The following FGF13 variants were observed in gnomAD, a reference collection of about 807,000 sequenced individuals.
FGF13 encodes the protein fibroblast growth factor homologous factor 2.
A neutral mutation model predicts 19.5 loss-of-function variants in FGF13; 2 were observed. The ratio of observed to expected loss-of-function variants is 0.10; its 90% CI spans 0.04 to 0.32. The LOEUF (loss-of-function observed/expected upper bound fraction) is 0.32, where lower values mean the gene tolerates loss of function less well. FGF13 is among the 10% of genes least tolerant of loss of function. FGF13 has a pLI of 1.00. For missense variants in FGF13, 113 were observed against 192.7 expected (o/e 0.59, Z 2.45); for synonymous variants, 72 against 76.9 (o/e 0.94, Z 0.33).
intron 3 of FGF13, among the ~76,000 whole-genome samples, chrX:138,780,130 C>T: frequency 9.2e-6 from 1 of 108,714 alleles, no homozygotes; most frequent in South Asian, 4.2e-4. Flanking sequence ...ATTTTGTCAC[C>T]ACCAGGCCTT....
intron 3 of FGF13, among the ~76,000 whole-genome samples, chrX:138,678,220 G>A: frequency 1.8e-5 from 2 of 110,462 alleles, no homozygotes; most frequent in Middle Eastern, 4.7e-3. Flanking sequence ...ACTGTTGTGG[G>A]GTGGGGAGAG....
At chrX:138,848,552 GA>G (rs897685508) in intron 3 of FGF13, among the ~76,000 whole-genome samples, 3 of 111,487 alleles carry the variant, frequency 2.7e-5, no homozygotes, top group African/African-American at 9.8e-5. Context: ...TTCTTCTCAA[GA>G]AAAAATATAC....
At chrX:138,767,197 G>T (rs1361273211) in intron 3 of FGF13, among the ~76,000 whole-genome samples, 3 of 112,151 alleles carry the variant, frequency 2.7e-5, no homozygotes, top group African/African-American at 9.7e-5. Flanking sequence ...GCCAAGTTGA[G>T]TTTCTTGGCC....
intron 3 of FGF13, among the ~76,000 whole-genome samples, chrX:138,750,231 T>A (rs1431666644): frequency 9.0e-6 from 1 of 111,616 alleles, no homozygotes; most frequent in East Asian, 2.8e-4. Flanking sequence ...CCCATTTTTT[T>A]AAATAAATAA....
chrX:138,918,508 G>T (rs1309796224), intron 1 of FGF13, among the ~76,000 whole-genome samples: 1 of 111,627 alleles, frequency 9.0e-6, no homozygotes, highest in African/African-American at 3.3e-5. Flanking sequence ...GCTTTGCTCT[G>T]TGAGGTCTTA....
intron 3 of FGF13, among the ~76,000 whole-genome samples, chrX:138,821,281 A>G (rs1192512571): frequency 4.5e-5 from 5 of 111,949 alleles, no homozygotes; most frequent in Admixed American, 2.9e-4. Context: ...AGGCTCTTGA[A>G]CACCTAAAAT....
At chrX:138,873,226 TA>T (rs1249412129) in intron 1 of FGF13, among the ~76,000 whole-genome samples, 1 of 110,559 alleles carries the variant, frequency 9.0e-6, no homozygotes, top group African/African-American at 3.3e-5. Flanking sequence ...ACCTGCACTA[TA>T]AGGCCAGAAA....
At chrX:138,689,630 C>T (rs2089819628) in intron 3 of FGF13, among the ~76,000 whole-genome samples, 1 of 111,923 alleles carries the variant, frequency 8.9e-6, no homozygotes, top group Non-Finnish European at 1.9e-5. Context: ...AGTCTAACCT[C>T]AAAATCTGAA....
intron 3 of FGF13, among the ~76,000 whole-genome samples, chrX:138,809,608 T>A (rs1270774948): frequency 1.8e-5 from 2 of 110,800 alleles, no homozygotes; most frequent in South Asian, 3.8e-4. Context: ...CAATCAAGCA[T>A]GAGAAAGAAA....
At chrX:139,115,523 G>A (rs376766855) in intron 1 of FGF13, among the ~76,000 whole-genome samples, 8 of 111,531 alleles carry the variant, frequency 7.2e-5, no homozygotes, top group Admixed American at 3.8e-4. Context: ...TTAAGGATGA[G>A]AGCCCCATTC....
chrX:138,772,989 G>A (rs1255921705), intron 3 of FGF13, among the ~76,000 whole-genome samples: 1 of 108,417 alleles, frequency 9.2e-6, no homozygotes, highest in Non-Finnish European at 1.9e-5. Flanking sequence ...CGAACTAACT[G>A]GTGTGTCAGT....
intron 3 of FGF13, among the ~76,000 whole-genome samples, chrX:138,769,908 G>A (rs749051810): frequency 8.9e-6 from 1 of 111,983 alleles, no homozygotes. Context: ...CCTTATCATA[G>A]ATTTCTCTCA....
chrX:138,863,463 A>C (rs1015775416), intron 2 of FGF13, among the ~76,000 whole-genome samples: 1 of 112,112 alleles, frequency 8.9e-6, no homozygotes, highest in Non-Finnish European at 1.9e-5. Flanking sequence ...ATGGGCCTTA[A>C]GTAAAAAGCT....
intron 3 of FGF13, among the ~76,000 whole-genome samples, chrX:138,780,361 C>T (rs1422072040): frequency 2.1e-4 from 20 of 94,578 alleles, no homozygotes; most frequent in African/African-American, 6.7e-4. Context: ...TTAAAAGACA[C>T]AGACTGGCAA....
At chrX:139,017,158 T>A (rs1481334663) in intron 1 of FGF13, among the ~76,000 whole-genome samples, 1 of 107,950 alleles carries the variant, frequency 9.3e-6, no homozygotes, top group African/African-American at 3.4e-5. Context: ...CAGGCCAGGA[T>A]GGTTTGTGTG....
intron 3 of FGF13, among the ~76,000 whole-genome samples, chrX:138,683,512 A>C (rs1303769535): frequency 1.8e-5 from 2 of 110,867 alleles, no homozygotes; most frequent in Non-Finnish European, 3.8e-5. Context: ...TTTTAAGTCC[A>C]CTTGATTTGC....
chrX:139,116,018 C>T (rs1677710942), intron 1 of FGF13, among the ~76,000 whole-genome samples: 1 of 112,245 alleles, frequency 8.9e-6, no homozygotes, highest in South Asian at 3.7e-4. Flanking sequence ...ACATAGATCT[C>T]CAGGATCACT....
At chrX:138,974,114 C>T (rs147410381) in intron 1 of FGF13, among the ~76,000 whole-genome samples, 255 of 111,815 alleles carry the variant, frequency 2.3e-3, no homozygotes, top group African/African-American at 8.0e-3. Context: ...CTTCCCAGCA[C>T]AGAAAACTCT....
chrX:138,801,366 G>A (rs1215311753), intron 3 of FGF13, among the ~76,000 whole-genome samples: 3 of 111,857 alleles, frequency 2.7e-5, no homozygotes, highest in South Asian at 7.6e-4. Context: ...CTGGAGTTTC[G>A]GGGAAGTCCA....
Sources: allele counts gnomAD v4.1 joint callset (sites outside exome capture counted in the v4.1 genomes callset), GRCh38; gene constraint gnomAD v4.1.1; transcripts MANE v1.5; gene names NCBI Gene and HGNC (gene_info 2026-07-23, HGNC 2026-07-21).